Variants in IDI1 observed in about 807,000 individuals in gnomAD.
The protein encoded by IDI1 is isopentenyl-diphosphate Delta-isomerase 1.
A neutral mutation model predicts 32.9 loss-of-function variants in IDI1; 23 were observed. That is an observed-to-expected ratio of 0.70 (90% CI 0.50 to 0.99). IDI1 has a LOEUF of 0.99. Among genes scored for constraint, IDI1 ranks in the 50% least tolerant of loss-of-function variants. The pLI, the probability that IDI1 is intolerant of heterozygous loss-of-function variation, is 0.00. For synonymous variants in IDI1, 133 were observed against 128.2 expected, an observed-to-expected ratio of 1.04 and a Z score of -0.25; for missense variants, 326 against 351.9, an observed-to-expected ratio of 0.93 and a Z score of 0.59.
upstream of IDI1, chr10:1,049,485 G>T (rs554974535): frequency 2.5e-3 from 239 of 95,256 alleles, 2 homozygotes; most frequent in African/African-American, 8.9e-3. Context: ...CCCCCCCCGA[G>T]TTCCGCCGCT....
In IDI1 at chr10:1,043,406, G is replaced by T. The variant is rs756866930; in HGVS notation, c.314-13C>A. 1 of 1,534,764 alleles carries T rather than the reference G, an allele frequency of 6.5e-7. No homozygotes were observed. Among genetic ancestry groups the T allele is most frequent in the Admixed American group, 1.7e-5 (1 of 59,844 alleles). ...CGATGCAATAATCCTGAAAGCAAAA[G>T]AAATAACAATTATTTTAGCCTTAAG... On this transcript the variant is annotated splice_polypyrimidine_tract_variant and intron_variant, in intron 2 of 4. Coordinates refer to ENST00000381344, the MANE Select transcript of IDI1 (RefSeq NM_004508.4).
chr10:1,052,992 G>A (rs1589061793), upstream of IDI1, among the ~76,000 whole-genome samples: 1 of 152,036 alleles, frequency 6.6e-6, no homozygotes, highest in African/African-American at 2.4e-5. Flanking sequence ...ATGACTTGCT[G>A]CTTTATCTTG....
chr10:1,054,520 A>G, the IDI1 span, among the ~76,000 whole-genome samples: 8 of 152,244 alleles, frequency 5.3e-5, no homozygotes, highest in Non-Finnish European at 1.0e-4. Context: ...GACAAAGTAC[A>G]TGTATTTTGC....
intron 1 of IDI1, among the ~76,000 whole-genome samples, chr10:1,046,195 T>C (rs1202578660): frequency 6.6e-6 from 1 of 152,196 alleles, no homozygotes; most frequent in Non-Finnish European, 1.5e-5. Flanking sequence ...GTATATCCAC[T>C]GTGTACATAC....
At chr10:1,046,572 A>C (rs12761633) in intron 1 of IDI1, among the ~76,000 whole-genome samples, 11,646 of 16,120 alleles carry the variant, frequency 0.72, 3,896 homozygotes, top group Middle Eastern at 0.79. Flanking sequence ...TACACCACAC[A>C]GCCCAGCTGC....
intron 4 of IDI1, among the ~76,000 whole-genome samples, chr10:1,041,799 T>A (rs1357949359): frequency 6.9e-6 from 1 of 144,510 alleles, no homozygotes; most frequent in Non-Finnish European, 1.6e-5. Flanking sequence ...GTGACATTCT[T>A]CTTTTTCTTC....
chr10:1,048,407 G>C, intron 1 of IDI1: 1 of 1,302,648 alleles, frequency 7.7e-7, no homozygotes, highest in Non-Finnish European at 1.0e-6. Context: ...ACGGACGCAG[G>C]TGTATGCACC....
At chr10:1,053,635 CTTAATCA>C (rs1428593956), upstream of IDI1, among the ~76,000 whole-genome samples, 2 of 152,176 alleles carry the variant, frequency 1.3e-5, no homozygotes, top group Non-Finnish European at 1.5e-5. Flanking sequence ...CCTCACCATG[CTTAATCA>C]TTAATCATTT....
intron 1 of IDI1, chr10:1,048,300 G>C (rs574731978): frequency 7.7e-7 from 1 of 1,304,338 alleles, no homozygotes; most frequent in Admixed American, 2.3e-5. Flanking sequence ...TCCAACCCAA[G>C]AAAAAGGTCT....
chr10:1,049,279 G>A (rs547566477), upstream of IDI1: 1 of 496,714 alleles, frequency 2.0e-6, no homozygotes, highest in Non-Finnish European at 3.5e-6. Context: ...CGCTGCGAAC[G>A]GTGCCTAACG....
chr10:1,048,515 A>G, intron 1 of IDI1: 1 of 1,261,080 alleles, frequency 7.9e-7, no homozygotes, highest in South Asian at 1.5e-5. Flanking sequence ...CTCTAAGGGG[A>G]GACTCGCAAC....
rs1832572927 is a variant in IDI1 at position 1,041,272 on chromosome 10, A to G, written c.770T>C (p.Ile257Thr). ...CCATTTAAAGAGAAAAGTCGCTGCA[A>G]TAATTTTAAACCATGGCGTTATCTT... ...EIKITPWFKIIAATFLFKWWD... is the reference protein window; with the variant it reads ...EIKITPWFKITAATFLFKWWD... Residue 257 changes from isoleucine to threonine, a missense_variant, in exon 5 of 5, where the codon ATT (isoleucine) becomes ACT (threonine). By Grantham distance (89) the Ile-to-Thr change is moderately conservative. Around this residue, in one of 2 missense-constraint regions of IDI1, gnomAD observed 205 missense variants for 273.5 expected, o/e 0.75. Coordinates refer to ENST00000381344, the MANE Select transcript of IDI1 (RefSeq NM_004508.4). 1.9e-6 allele frequency: 3 copies of G among 1,613,386 alleles called. No homozygotes were observed. The highest frequency in any genetic ancestry group is 1.1e-5 in the South Asian group (1 of 91,056).
chr10:1,053,153 C>T (rs183867530), upstream of IDI1, among the ~76,000 whole-genome samples: 270 of 152,294 alleles, frequency 1.8e-3, no homozygotes, highest in Non-Finnish European at 3.3e-3. Context: ...AGGCGTGTGC[C>T]ACCACACCCA....
At chr10:1,042,563 T>G in intron 4 of IDI1, 69 bp downstream of exon 4, 3 of 1,533,136 alleles carry the variant, frequency 2.0e-6, no homozygotes, top group African/African-American at 2.7e-5. Flanking sequence ...AATTTAAAAA[T>G]TTTATTAAAA....
upstream of IDI1, among the ~76,000 whole-genome samples, chr10:1,050,657 G>T (rs1832985017): frequency 6.6e-6 from 1 of 152,188 alleles, no homozygotes; most frequent in Non-Finnish European, 1.5e-5. Context: ...AGGGCACAAA[G>T]AGGGAACCAG....
Position 1,049,080 on chromosome 10 carries a change from G to A in IDI1, c.-77C>T. 2.8e-6 allele frequency: 4 copies of A among 1,421,460 alleles called. No individual in the cohort carries two copies. Among genetic ancestry groups the A allele is most frequent in the Non-Finnish European group, 3.7e-6 (4 of 1,095,680 alleles). The allele number at this position is 1,421,460 out of a possible 1,614,324, so 88.1% of individuals were successfully genotyped here. On this transcript the variant is annotated 5_prime_UTR_variant, in exon 1 of 5. Coordinates refer to ENST00000381344, the MANE Select transcript of IDI1 (RefSeq NM_004508.4). ...TTCGCCTGGTGGTGCCACCTCCCTG[G>A]CCTGTGACAACGGCAGACGCGCGAA...
intron 4 of IDI1, 199 bp downstream of exon 4, chr10:1,042,433 G>T: frequency 1.8e-6 from 1 of 552,572 alleles, no homozygotes; most frequent in East Asian, 3.6e-5. Context: ...ATCCATCCCC[G>T]TATTGAGCTA....
chr10:1,052,275 T>C (rs1462690283), upstream of IDI1, among the ~76,000 whole-genome samples: 2 of 152,244 alleles, frequency 1.3e-5, no homozygotes, highest in Non-Finnish European at 2.9e-5. Context: ...TCAACAGTGT[T>C]CACATCTTCA....
chr10:1,044,739 G>A (rs1325156311), intron 1 of IDI1, among the ~76,000 whole-genome samples: 4 of 152,156 alleles, frequency 2.6e-5, no homozygotes, highest in African/African-American at 7.2e-5. Flanking sequence ...AAGCTCCTGG[G>A]TTATCAGAAA....
Sources: gnomAD v4.1 joint callset for allele counts (sites outside exome capture counted in the v4.1 genomes callset) on GRCh38, gnomAD v4.1.1 for gene constraint, gnomAD v4.1.1 regional missense constraint, MANE v1.5 for transcripts, NCBI Gene and HGNC (gene_info 2026-07-23, HGNC 2026-07-21) for gene names.